Variants in ACTN2 observed in about 807,000 individuals in gnomAD.
ACTN2 encodes actinin alpha 2.
ACTN2 carries 39 observed loss-of-function variants against 113.8 expected under a neutral mutation model. The observed-to-expected ratio is 0.34, with a 90% confidence interval of 0.27 to 0.45. ACTN2 has a LOEUF of 0.45. ACTN2 is among the 20% of genes least tolerant of loss of function. The pLI, the probability that ACTN2 is intolerant of heterozygous loss-of-function variation, is 1.00. For synonymous variants in ACTN2, 429 were observed against 444.1 expected, an observed-to-expected ratio of 0.97 and a Z score of 0.43; for missense variants, 992 against 1,177.9, an observed-to-expected ratio of 0.84 and a Z score of 2.31.
chr1:236,702,356 T>G (rs1442010044), intron 1 of ACTN2, among the ~76,000 whole-genome samples: 1 of 152,218 alleles, frequency 6.6e-6, no homozygotes, highest in Non-Finnish European at 1.5e-5. Flanking sequence ...AATTATTGTT[T>G]AAAGATATGT....
intron 2 of ACTN2, among the ~76,000 whole-genome samples, chr1:236,718,232 T>G (rs1658279010): frequency 1.3e-5 from 2 of 152,132 alleles, no homozygotes; most frequent in Non-Finnish European, 2.9e-5. Flanking sequence ...GAAGAAAAAA[T>G]GACTTCACAC....
chr1:236,711,990 G>C (rs763832902), intron 1 of ACTN2, among the ~76,000 whole-genome samples: 1 of 152,270 alleles, frequency 6.6e-6, no homozygotes, highest in Non-Finnish European at 1.5e-5. Context: ...AAGGACATAT[G>C]GCTTGGTAAT....
chr1:236,708,791 G>T (rs1475133743), intron 1 of ACTN2, among the ~76,000 whole-genome samples: 1 of 152,162 alleles, frequency 6.6e-6, no homozygotes, highest in Non-Finnish European at 1.5e-5. Flanking sequence ...CTCACAGACG[G>T]TTAGGCCACC....
chr1:236,719,086 C>T, intron 3 of ACTN2, 73 bp downstream of exon 3: 1 of 1,599,072 alleles, frequency 6.3e-7, no homozygotes, highest in South Asian at 1.1e-5. Context: ...GACTTGAATT[C>T]TCCCCTTCTT....
chr1:236,710,690 A>G (rs564584268), intron 1 of ACTN2, among the ~76,000 whole-genome samples: 1 of 152,334 alleles, frequency 6.6e-6, no homozygotes, highest in African/African-American at 2.4e-5. Flanking sequence ...CGGATGACCA[A>G]GTGAGCAGAA....
At position 236,718,750 on chromosome 1, in the gene ACTN2, AT is replaced by A. The variant is rs1485591396; in HGVS notation, c.242-141del. On this transcript the variant is annotated intron_variant, in intron 2 of 20. Transcript: ENST00000366578. ...GGGTTAGTGTTCCCTCATTGCTGTGATTTAGAGAGACCAGGCACACATCAGA... is the reference window on the plus strand; with the variant it reads ...GGGTTAGTGTTCCCTCATTGCTGTGATTAGAGAGACCAGGCACACATCAGA... 4 of 1,171,288 alleles carry A rather than the reference AT, an allele frequency of 3.4e-6. No individual in the cohort carries two copies. In the African/African-American group the frequency reaches 6.1e-5, roughly 18 times the overall value. 72.6% of individuals were successfully genotyped at this position (1,171,288 alleles called of 1,614,324 possible). A position where few individuals can be genotyped will look rare whatever the true frequency, so the allele number is the denominator to read the frequency against.
At chr1:236,691,679 G>A (rs1666088976) in intron 1 of ACTN2, among the ~76,000 whole-genome samples, 1 of 152,092 alleles carries the variant, frequency 6.6e-6, no homozygotes, top group Non-Finnish European at 1.5e-5. Context: ...AGTATAATAA[G>A]TGTTTACCTT....
In ACTN2 at chr1:236,717,863, C is replaced by T; in HGVS notation, c.132C>T (p.Phe44=). 1 of 1,613,266 alleles carries T rather than the reference C, an allele frequency of 6.2e-7. No homozygotes were observed. Among genetic ancestry groups the T allele is most frequent in the Non-Finnish European group, 8.5e-7 (1 of 1,179,260 alleles). ...PAWEKQQRKT[F]TAWCNSHLRK... is the part of the protein sequence containing the mutation. ...GTGTTTGGTTTTCTTTGCAGACCTT[C>T]ACTGCCTGGTGTAACTCCCACCTAA... The change falls in exon 2 of 21, where the codon TTC becomes TTT. Residue 44 remains phenylalanine, a synonymous_variant. Coordinates refer to ENST00000366578, the MANE Select transcript of ACTN2 (RefSeq NM_001103.4).
At chr1:236,734,886 C>T (rs1658821594) in intron 7 of ACTN2, among the ~76,000 whole-genome samples, 5 of 152,064 alleles carry the variant, frequency 3.3e-5, no homozygotes, top group Admixed American at 1.3e-4. Flanking sequence ...AGCAACTTAC[C>T]GAAAAATGGT....
chr1:236,759,667 T>A (rs1392818042), intron 18 of ACTN2, 57 bp from the exon 19 acceptor site: 1 of 1,440,560 alleles, frequency 6.9e-7, no homozygotes, highest in Non-Finnish European at 9.8e-7. Context: ...GTTGGTCAAG[T>A]AGAGTTGCTC....
intron 1 of ACTN2, among the ~76,000 whole-genome samples, chr1:236,713,216 GTTCTTTT>G (rs1258511728): frequency 1.0e-3 from 147 of 145,256 alleles, no homozygotes; most frequent in African/African-American, 3.4e-3. Context: ...TATATATATT[GTTCTTTT>G]TTCTTTTTTT....
chr1:236,759,159 T>A (rs190539930), intron 18 of ACTN2, among the ~76,000 whole-genome samples: 3 of 152,316 alleles, frequency 2.0e-5, no homozygotes, highest in African/African-American at 7.2e-5. Flanking sequence ...ACACCTTTAT[T>A]GTGCAGCAGC....
At chr1:236,748,106 G>A (rs1265562651) in intron 13 of ACTN2, 13 of 329,420 alleles carry the variant, frequency 3.9e-5, no homozygotes, top group East Asian at 3.8e-4. Flanking sequence ...TGAGTGAGTC[G>A]GGAAATCAGA....
chr1:236,701,712 G>A (rs1657682660), intron 1 of ACTN2, among the ~76,000 whole-genome samples: 1 of 152,160 alleles, frequency 6.6e-6, no homozygotes, highest in South Asian at 2.1e-4. Flanking sequence ...TAAAGATCTG[G>A]ACCAGTTACC....
rs781054133 is a variant in ACTN2 at position 236,762,635 on chromosome 1, A to C, written c.*16A>C. Reference sequence around the variant, plus strand: ...CGATCTGTGATGCTGAGCTTCTGTAATCACTCATCCCATCAGAATGCAATA... The same window carrying C: ...CGATCTGTGATGCTGAGCTTCTGTACTCACTCATCCCATCAGAATGCAATA... On this transcript the variant is annotated 3_prime_UTR_variant, in exon 21 of 21. Transcript: ENST00000366578. 1.4e-5 allele frequency: 23 copies of C among 1,613,198 alleles called. No homozygotes were observed. In the South Asian group the frequency reaches 2.4e-4, roughly 17 times the overall value.
chr1:236,751,438 ATTGT>A lies in ACTN2; in HGVS notation c.1657-29_1657-26del, dbSNP rs140875513. ...CCTTTGAAATTAACACTCAAGCCACATTGTTTTTCTCCACTTGTGTCTCGGGTGT... is the reference window on the plus strand; with the variant it reads ...CCTTTGAAATTAACACTCAAGCCACATTTTCTCCACTTGTGTCTCGGGTGT... On this transcript the variant is annotated intron_variant, in intron 14 of 20. Transcript: ENST00000366578. 41,193 of 1,612,962 alleles carry A rather than the reference ATTGT, an allele frequency of 0.026. 568 individuals are homozygous for A. The highest frequency in any genetic ancestry group is 0.055 in the Middle Eastern group (333 of 6,058).
At chr1:236,725,123 A>G (rs535635927) in intron 4 of ACTN2, among the ~76,000 whole-genome samples, 1 of 152,260 alleles carries the variant, frequency 6.6e-6, no homozygotes. Context: ...AGTGAATACA[A>G]AGGATCCAAT....
intron 1 of ACTN2, among the ~76,000 whole-genome samples, chr1:236,711,018 G>A (rs893440988): frequency 6.6e-6 from 1 of 152,216 alleles, no homozygotes; most frequent in Non-Finnish European, 1.5e-5. Flanking sequence ...GATCATTTGA[G>A]TATCCTTCAG....
intron 11 of ACTN2, 21 bp downstream of exon 11, chr1:236,743,064 T>C (rs377279530): frequency 2.3e-5 from 37 of 1,613,780 alleles, no homozygotes; most frequent in Middle Eastern, 1.6e-4. Context: ...AGGAGTCAGA[T>C]TGGATTTTTG....
Sources: gnomAD v4.1 joint callset for allele counts (sites outside exome capture counted in the v4.1 genomes callset) on GRCh38, gnomAD v4.1.1 for gene constraint, MANE v1.5 for transcripts, NCBI Gene and HGNC (gene_info 2026-07-23, HGNC 2026-07-21) for gene names.